The following MDGA2 variants were observed in gnomAD, a reference collection of about 807,000 sequenced individuals.
MDGA2 encodes the protein MAM domain containing glycosylphosphatidylinositol anchor 2.
In MDGA2, 40 loss-of-function variants were observed where a neutral mutation model predicts 117.8. The observed-to-expected ratio is 0.34, with a 90% CI of 0.26 to 0.44. MDGA2 has a LOEUF of 0.44. Among genes scored for constraint, MDGA2 ranks in the 20% least tolerant of loss-of-function variants. MDGA2 has a pLI of 1.00. For synonymous variants in MDGA2, 452 were observed against 439.0 expected (o/e 1.03, Z -0.37); for missense variants, 1,123 against 1,250.6 (o/e 0.90, Z 1.54).
intron 2 of MDGA2, among the ~76,000 whole-genome samples, chr14:47,270,702 G>A (rs1037613225): frequency 6.6e-6 from 1 of 152,126 alleles, no homozygotes; most frequent in Non-Finnish European, 1.5e-5. Flanking sequence ...TTATAGGAGA[G>A]TAATCATCAC....
At chr14:47,531,970 T>C (rs1371842959) in intron 1 of MDGA2, among the ~76,000 whole-genome samples, 3 of 152,176 alleles carry the variant, frequency 2.0e-5, no homozygotes, top group East Asian at 3.9e-4. Context: ...GCAAATGTTG[T>C]AGAAAATTGA....
chr14:46,957,490 T>C lies in MDGA2; in HGVS notation c.1973A>G (p.Asp658Gly), dbSNP rs1354888233. 2 of 1,614,086 alleles carry C rather than the reference T, an allele frequency of 1.2e-6. No individual in the cohort carries two copies. Among genetic ancestry groups the C allele is most frequent in the African/African-American group, 1.3e-5 (1 of 75,026 alleles). Residue 658 changes from aspartate (D) to glycine (G), a missense_variant, in exon 9 of 17, where the codon GAC (aspartate) becomes GGC (glycine). Transcript: ENST00000399232. ...AGCGTACTCTGTGTATTCCTGAGAG[T>C]CAAATTGACCCGTCCGTAATAATTT... ...GNKLLRTGQF[D>G]SQEYTEYAVK... is the part of the protein sequence containing the mutation.
At position 47,122,803 on chromosome 14, in the gene MDGA2, A is replaced by AATCCATAAT. The variant is rs1373719368; in HGVS notation, c.925+8902_925+8910dup. On this transcript the variant is annotated intron_variant, in intron 5 of 16. Coordinates refer to ENST00000399232, the MANE Select transcript of MDGA2 (RefSeq NM_001113498.3). The stretch of plus-strand genomic sequence containing the variant: ...GAAAAGAACCAAGCTGTGGTCTACA[A>AATCCATAAT]ATCCATAATCTAGCAAGTTTGAAAA... 5.3e-5 allele frequency among the ~76,000 whole-genome samples: 8 copies of AATCCATAAT among 152,178 alleles called. 1 individual carries two copies. The highest frequency in any genetic ancestry group is 1.9e-4 in the African/African-American group (8 of 41,560).
In MDGA2 at chr14:46,864,545, G is replaced by GTTTTTTTTTTTTT. The variant is rs71112467; in HGVS notation, c.2752+8875_2752+8887dup. Among the ~76,000 whole-genome samples the GTTTTTTTTTTTTT allele has an allele frequency of 4.7e-3, 244 of 51,460 alleles. 34 individuals are homozygous for GTTTTTTTTTTTTT. The highest frequency in any genetic ancestry group is 7.8e-3 in the Non-Finnish European group (198 of 25,436). 33.8% of individuals were successfully genotyped at this position (51,460 alleles called of 152,430 possible). ...TTTGTTGCGCTTTGCAGATATTGCTGTTTTTTTTTTTTTTTTTTTTTTTTT... is the reference window on the plus strand; with the variant it reads ...TTTGTTGCGCTTTGCAGATATTGCTGTTTTTTTTTTTTTTTTTTTTTTTTTTTTTTTTTTTTTT... On this transcript the variant is annotated intron_variant, in intron 14 of 16. Coordinates refer to ENST00000399232, the MANE Select transcript of MDGA2 (RefSeq NM_001113498.3).
intron 1 of MDGA2, among the ~76,000 whole-genome samples, chr14:47,379,252 G>A (rs1303703388): frequency 6.6e-6 from 1 of 152,188 alleles, no homozygotes; most frequent in East Asian, 1.9e-4. Context: ...AGCAGCCACT[G>A]CAAAAACATG....
chr14:47,218,344 C>T (rs1051273000), intron 2 of MDGA2, 149 bp from the exon 3 acceptor site: 6 of 713,862 alleles, frequency 8.4e-6, no homozygotes, highest in African/African-American at 1.8e-5. Context: ...TGTTTACAGA[C>T]ACGATTGAAT....
chr14:47,320,170 C>T lies in MDGA2; in HGVS notation c.281-18620G>A, dbSNP rs558389518. Among the ~76,000 whole-genome samples, 3 of 152,182 alleles carry T rather than the reference C, an allele frequency of 2.0e-5. No individual in the cohort carries two copies. The East Asian group carries it at 5.8e-4, about 30-fold the overall frequency. On this transcript the variant is annotated intron_variant, in intron 1 of 16. Coordinates refer to ENST00000399232, the MANE Select transcript of MDGA2 (RefSeq NM_001113498.3). ...CTGTGAGACAATAAATGTGTTAAAG[C>T]CATCCAGTTTGCAGTACTTTGTTGC...
chr14:46,997,710 G>A (rs1887347486), intron 8 of MDGA2, among the ~76,000 whole-genome samples: 1 of 152,090 alleles, frequency 6.6e-6, no homozygotes, highest in African/African-American at 2.4e-5. Context: ...GTTCTGGAGA[G>A]GTGGCCTCAA....
At chr14:46,866,414 C>T (rs555600217) in intron 14 of MDGA2, among the ~76,000 whole-genome samples, 8 of 152,146 alleles carry the variant, frequency 5.3e-5, no homozygotes, top group African/African-American at 1.2e-4. Context: ...AAGACTTAAA[C>T]GTTAGACCTA....
At chr14:47,586,264 C>G (rs1896323357) in intron 1 of MDGA2, among the ~76,000 whole-genome samples, 1 of 151,872 alleles carries the variant, frequency 6.6e-6, no homozygotes, top group Non-Finnish European at 1.5e-5. Flanking sequence ...ACCAACAACA[C>G]AATGTCTTCA....
intron 6 of MDGA2, among the ~76,000 whole-genome samples, chr14:47,092,832 C>T (rs191012320): frequency 5.9e-5 from 9 of 152,044 alleles, no homozygotes; most frequent in Admixed American, 2.0e-4. Context: ...AGGGAGAAGC[C>T]GTCAGCAGAA....
At chr14:47,289,843 T>G (rs1297530856) in intron 2 of MDGA2, among the ~76,000 whole-genome samples, 2 of 152,116 alleles carry the variant, frequency 1.3e-5, no homozygotes, top group African/African-American at 4.8e-5. Context: ...CAGAGAGACA[T>G]CTAATTTCAA....
chr14:46,991,205 A>G (rs1307573269), intron 8 of MDGA2, among the ~76,000 whole-genome samples: 1 of 152,154 alleles, frequency 6.6e-6, no homozygotes, highest in African/African-American at 2.4e-5. Flanking sequence ...CAGGAGCATC[A>G]AGATACAGAA....
chr14:47,562,241 A>C (rs1159837831), intron 1 of MDGA2, among the ~76,000 whole-genome samples: 4 of 152,170 alleles, frequency 2.6e-5, no homozygotes, highest in Non-Finnish European at 5.9e-5. Context: ...TGCTGGCCTC[A>C]TAGAGTGAGT....
chr14:47,019,326 T>C (rs1190592806), intron 8 of MDGA2, among the ~76,000 whole-genome samples: 1 of 152,052 alleles, frequency 6.6e-6, no homozygotes, highest in Non-Finnish European at 1.5e-5. Context: ...AATAATGAGA[T>C]ACAGAGGATA....
chr14:47,368,613 G>A (rs571670450), intron 1 of MDGA2, among the ~76,000 whole-genome samples: 2 of 152,230 alleles, frequency 1.3e-5, no homozygotes, highest in South Asian at 2.1e-4. Context: ...TTATTAGGAT[G>A]TAAGATATAT....
chr14:47,065,499 G>T (rs1890047527), intron 6 of MDGA2, among the ~76,000 whole-genome samples: 1 of 152,158 alleles, frequency 6.6e-6, no homozygotes. Flanking sequence ...TTGAGCATAG[G>T]CTTGAAAGAG....
At chr14:47,113,444 G>A (rs988084478) in intron 5 of MDGA2, among the ~76,000 whole-genome samples, 2 of 151,918 alleles carry the variant, frequency 1.3e-5, no homozygotes, top group Admixed American at 1.3e-4. Context: ...CCAAAACCTG[G>A]CAGAGATACA....
intron 1 of MDGA2, among the ~76,000 whole-genome samples, chr14:47,396,183 T>A (rs986015273): frequency 3.3e-5 from 5 of 152,194 alleles, no homozygotes; most frequent in Non-Finnish European, 5.9e-5. Context: ...TGAGGAATTT[T>A]ATTTTTTTTC....
Sources: gnomAD v4.1 joint callset for allele counts (sites outside exome capture counted in the v4.1 genomes callset) on GRCh38, gnomAD v4.1.1 for gene constraint, MANE v1.5 for transcripts, NCBI Gene and HGNC (gene_info 2026-07-23, HGNC 2026-07-21) for gene names.